Variants in SDK2 observed in about 807,000 individuals in gnomAD.
SDK2 encodes protein sidekick-2.
Under a neutral mutation model 253.9 loss-of-function variants are expected in SDK2, and 105 were observed. The ratio of observed to expected loss-of-function variants is 0.41; its 90% CI spans 0.35 to 0.49. SDK2 has a LOEUF of 0.49. SDK2 is among the 20% of genes least tolerant of loss of function. The pLI, the probability that SDK2 is intolerant of heterozygous loss-of-function variation, is 0.06. For synonymous variants in SDK2, 1,249 were observed against 1,234.9 expected (o/e 1.01, Z -0.24); for missense variants, 2,608 against 3,003.0 (o/e 0.87, Z 3.07).
chr17:73,358,348 TGA>T, intron 39 of SDK2, 144 bp from the exon 40 acceptor site: 1 of 1,055,312 alleles, frequency 9.5e-7, no homozygotes, highest in Non-Finnish European at 1.3e-6. Context: ...TGTCGCGGCC[TGA>T]GAGTACATCT....
rs2063752263 is a variant in SDK2 at position 73,483,701 on chromosome 17, ATATATATT to A, written c.225-11491_225-11484del. Among the ~76,000 whole-genome samples the A allele has an allele frequency of 2.5e-4, 16 of 63,090 alleles. 1 individual carries two copies. The highest frequency in any genetic ancestry group is 1.7e-3 in the South Asian group (3 of 1,776). The allele number at this position is 63,090 out of a possible 152,430, so 41.4% of individuals were successfully genotyped here. A position where few individuals can be genotyped will look rare whatever the true frequency, so the allele number is the denominator to read the frequency against. On this transcript the variant is annotated intron_variant, in intron 2 of 44. Transcript: ENST00000392650. ...TATATATTTATATATATATATATAT[ATATATATT>A]TTTTTTTTTTTTTAGTAGAGTTGGG... is the stretch of plus-strand genomic sequence containing the variant.
Position 73,513,142 on chromosome 17 carries a change from GA to G in SDK2, c.65-5546del, listed in dbSNP as rs34520658. Among the ~76,000 whole-genome samples, 968 of 146,388 alleles carry G rather than the reference GA, an allele frequency of 6.6e-3. 6 individuals carry two copies. Among genetic ancestry groups the G allele is most frequent in the African/African-American group, 0.022 (891 of 39,898 alleles). On this transcript the variant is annotated intron_variant, in intron 1 of 44. Transcript: ENST00000392650. ...TTCAACTACACAGAAATTCTGCCTGGAAAAAAAAAAACCCTCATAAACAAAA... is the reference window on the plus strand; with the variant it reads ...TTCAACTACACAGAAATTCTGCCTGGAAAAAAAAAACCCTCATAAACAAAA...
chr17:73,432,043 G>A (rs777225162), intron 10 of SDK2, among the ~76,000 whole-genome samples: 113 of 152,214 alleles, frequency 7.4e-4, no homozygotes, highest in Non-Finnish European at 1.4e-3. Flanking sequence ...CTGGCGGGGG[G>A]ACAGCTCTGA....
At chr17:73,505,686 C>CTCA (rs767298422) in intron 2 of SDK2, among the ~76,000 whole-genome samples, 3 of 147,046 alleles carry the variant, frequency 2.0e-5, no homozygotes, top group East Asian at 4.2e-4. Flanking sequence ...ATAGCTGGAC[C>CTCA]TCATCATCAT....
chr17:73,356,606 G>A (rs1374569554), intron 40 of SDK2, among the ~76,000 whole-genome samples: 3 of 152,164 alleles, frequency 2.0e-5, no homozygotes, highest in Non-Finnish European at 2.9e-5. Context: ...GGGGCAGGGG[G>A]CATGGAGGGG....
Position 73,423,455 on chromosome 17 carries a change from G to C in SDK2, c.1828C>G (p.Leu610Val), listed in dbSNP as rs2063250857. ...LSTVERRAINLTWTKPFDGNS... is the reference protein window; with the variant it reads ...LSTVERRAINVTWTKPFDGNS... ...CCATCAAAGGGCTTGGTCCACGTCAGGTTGATGGCTCGCCTTTCCACGGTG... is the reference window on the plus strand; with the variant it reads ...CCATCAAAGGGCTTGGTCCACGTCACGTTGATGGCTCGCCTTTCCACGGTG... The change falls in exon 14 of 45, where the codon CTG becomes GTG. Residue 610 changes from leucine to valine, a missense_variant. This residue lies in a region of SDK2 where 1,505 missense variants were observed against 1,859.1 expected (regional missense o/e 0.81). Transcript: ENST00000392650. 1 of 1,594,484 alleles carries C rather than the reference G, an allele frequency of 6.3e-7. No individual in the cohort carries two copies. Among genetic ancestry groups the C allele is most frequent in the Non-Finnish European group, 8.6e-7 (1 of 1,168,536 alleles).
chr17:73,548,993 G>A (rs1165077626), intron 1 of SDK2, among the ~76,000 whole-genome samples: 2 of 152,168 alleles, frequency 1.3e-5, no homozygotes, highest in African/African-American at 2.4e-5. Context: ...TGACAACCCC[G>A]GCTGCCTCCT....
At chr17:73,608,739 G>C (rs922714961) in intron 1 of SDK2, among the ~76,000 whole-genome samples, 5 of 152,256 alleles carry the variant, frequency 3.3e-5, no homozygotes, top group African/African-American at 1.2e-4. Flanking sequence ...CACTGTGCCA[G>C]GCCTAAAATT....
chr17:73,435,609 C>T lies in SDK2; in HGVS notation c.1036G>A (p.Ala346Thr), dbSNP rs554956497. Residue 346 changes from alanine (A) to threonine (T), a missense_variant, in exon 9 of 45, where the codon GCA (alanine) becomes ACA (threonine). By Grantham distance (58) the Ala-to-Thr change is moderately conservative. Around this residue, in one of 2 missense-constraint regions of SDK2, gnomAD observed 1,505 missense variants for 1,859.1 expected, o/e 0.81. Transcript: ENST00000392650. The surrounding 1 kb of genome is among the most constrained non-coding windows in gnomAD (Gnocchi z 5.7). The part of the protein sequence containing the change: ...PPPSITWYKD[A>T]AVVEVEKLTR... ...AACTTCTCCACCTCCACCACGGCTG[C>T]GTCCTTGTACCAGGTGATGGAGGGC... 19 of 1,574,234 alleles carry T rather than the reference C, an allele frequency of 1.2e-5. No homozygotes were observed. Among genetic ancestry groups the T allele is most frequent in the African/African-American group, 8.1e-5 (6 of 73,984 alleles).
intron 1 of SDK2, among the ~76,000 whole-genome samples, chr17:73,559,597 T>TCC (rs2045197261): frequency 9.7e-6 from 1 of 103,112 alleles, no homozygotes; most frequent in African/African-American, 4.9e-5. Context: ...CCGCTCCCTG[T>TCC]GCCCCCCGCC....
intron 1 of SDK2, among the ~76,000 whole-genome samples, chr17:73,607,365 A>G (rs941857019): frequency 1.3e-5 from 2 of 151,000 alleles, no homozygotes; most frequent in East Asian, 3.9e-4. Context: ...GGAGAGGCCC[A>G]CACGCACTCA....
At position 73,395,650 on chromosome 17, in the gene SDK2, A is replaced by G. The variant is rs1482273220; in HGVS notation, c.3355-258T>C. ...TTATTGTGTATGTGACAAATCTATT[A>G]CCCTGCCAAGGGAGTCAGGAGCCAC... On this transcript the variant is annotated intron_variant, in intron 24 of 44. Transcript: ENST00000392650. The surrounding 1 kb of genome is among the most constrained non-coding windows in gnomAD (Gnocchi z 4.3). 3.9e-5 allele frequency among the ~76,000 whole-genome samples: 6 copies of G among 152,120 alleles called. No individual in the cohort carries two copies. Among genetic ancestry groups the G allele is most frequent in the Admixed American group, 6.5e-5 (1 of 15,276 alleles).
intron 1 of SDK2, among the ~76,000 whole-genome samples, chr17:73,561,423 G>C (rs2045232225): frequency 6.6e-6 from 1 of 152,208 alleles, no homozygotes; most frequent in Non-Finnish European, 1.5e-5. Flanking sequence ...ACCCCAAATG[G>C]TGACGTGGCT....
chr17:73,514,365 C>A (rs978551229), intron 1 of SDK2, among the ~76,000 whole-genome samples: 7 of 152,168 alleles, frequency 4.6e-5, no homozygotes, highest in African/African-American at 1.4e-4. Flanking sequence ...ATTGTCCTCC[C>A]TAGGCTCCAG....
At chr17:73,606,529 C>T (rs2045909647) in intron 1 of SDK2, among the ~76,000 whole-genome samples, 1 of 152,216 alleles carries the variant, frequency 6.6e-6, no homozygotes, top group Non-Finnish European at 1.5e-5. Flanking sequence ...CCATCTGTAA[C>T]CCTTACGACA....
At position 73,643,566 on chromosome 17, in the gene SDK2, A is replaced by C. The variant is rs2046425049; in HGVS notation, c.64+459T>G. Among the ~76,000 whole-genome samples the C allele has an allele frequency of 6.7e-6, 1 of 149,906 alleles. No individual in the cohort carries two copies. The highest frequency in any genetic ancestry group is 1.5e-5 in the Non-Finnish European group (1 of 67,458). The stretch of plus-strand genomic sequence containing the variant: ...CCGGCATCCAGCGCTCGCCCACCCC[A>C]CTCCCTCGCCCCGGGGAGGCCATCG... On this transcript the variant is annotated intron_variant, in intron 1 of 44. Coordinates refer to ENST00000392650, the MANE Select transcript of SDK2 (RefSeq NM_001144952.2). This position sits in a 1 kb window ranked among gnomAD's most constrained non-coding sequence, Gnocchi z 6.9.
At chr17:73,620,292 A>G (rs1419461965) in intron 1 of SDK2, among the ~76,000 whole-genome samples, 1 of 152,182 alleles carries the variant, frequency 6.6e-6, no homozygotes, top group Admixed American at 6.5e-5. Context: ...GGTCAGCACC[A>G]TTAGTCATCA....
chr17:73,476,251 G>A (rs2063685146), intron 2 of SDK2, among the ~76,000 whole-genome samples: 2 of 152,190 alleles, frequency 1.3e-5, no homozygotes, highest in African/African-American at 2.4e-5. Flanking sequence ...TGTGTATTGT[G>A]TGTATACAAA....
chr17:73,603,357 G>A (rs1350813774), intron 1 of SDK2, among the ~76,000 whole-genome samples: 4 of 152,176 alleles, frequency 2.6e-5, no homozygotes, highest in African/African-American at 4.8e-5. Flanking sequence ...CTTCTGGGCC[G>A]GACTGAGAGG....
Sources: allele counts gnomAD v4.1 joint callset (sites outside exome capture counted in the v4.1 genomes callset), GRCh38; gene constraint gnomAD v4.1.1; regional missense constraint gnomAD v4.1.1; non-coding constraint Gnocchi (gnomAD v3.1); transcripts MANE v1.5; gene names NCBI Gene and HGNC (gene_info 2026-07-23, HGNC 2026-07-21).